CEP128: variants seen among roughly 807,000 people sequenced by gnomAD.
CEP128 encodes centrosomal protein 128.
Under a neutral mutation model 156.7 loss-of-function variants are expected in CEP128, and 132 were observed. The observed-to-expected ratio is 0.84, with a 90% CI of 0.73 to 0.97. The LOEUF (loss-of-function observed/expected upper bound fraction) is 0.97. Among genes scored for constraint, CEP128 ranks in the 50% least tolerant of loss-of-function variants. The probability of loss-of-function intolerance (pLI) is 0.00; values close to 1 mark genes in which losing one functional copy is unlikely to be tolerated. For missense variants in CEP128, 1,252 were observed against 1,281.9 expected, an observed-to-expected ratio of 0.98 and a Z score of 0.36; for synonymous variants, 469 against 448.9, an observed-to-expected ratio of 1.04 and a Z score of -0.57.
intron 17 of CEP128, among the ~76,000 whole-genome samples, chr14:80,760,694 A>G (rs1197125151): frequency 6.6e-6 from 1 of 152,142 alleles, no homozygotes; most frequent in Non-Finnish European, 1.5e-5. Flanking sequence ...GTAAAATAGC[A>G]GCAAAACCTA....
intron 19 of CEP128, among the ~76,000 whole-genome samples, chr14:80,724,998 CAT>C (rs376126480): frequency 0.022 from 3,233 of 143,742 alleles, 57 homozygotes; most frequent in African/African-American, 0.04. Flanking sequence ...ATACATATAT[CAT>C]ATATATATAT....
chr14:80,823,130 C>T (rs2140006683), intron 13 of CEP128, among the ~76,000 whole-genome samples: 1 of 152,268 alleles, frequency 6.6e-6, no homozygotes, highest in African/African-American at 2.4e-5. Flanking sequence ...ATTTCTATGT[C>T]CTCTTCTCCC....
At chr14:80,670,427 C>T (rs1895792333) in intron 19 of CEP128, among the ~76,000 whole-genome samples, 1 of 152,134 alleles carries the variant, frequency 6.6e-6, no homozygotes, top group Non-Finnish European at 1.5e-5. Flanking sequence ...TATATACATA[C>T]ACACAGGAAT....
At chr14:80,524,655 G>T (rs1040463477) in intron 23 of CEP128, among the ~76,000 whole-genome samples, 2 of 152,072 alleles carry the variant, frequency 1.3e-5, no homozygotes, top group African/African-American at 4.8e-5. Flanking sequence ...CCTCACCAAT[G>T]ACTACCAAAA....
chr14:80,809,460 A>G (rs1418543291), intron 13 of CEP128, among the ~76,000 whole-genome samples: 1 of 152,222 alleles, frequency 6.6e-6, no homozygotes, highest in Non-Finnish European at 1.5e-5. Flanking sequence ...AATAATAGAT[A>G]AAAACTTCTC....
chr14:80,697,553 G>A (rs1202144188), intron 19 of CEP128, among the ~76,000 whole-genome samples: 21 of 151,916 alleles, frequency 1.4e-4, no homozygotes, highest in Admixed American at 1.4e-3. Context: ...AAAATAAGAA[G>A]GCATAGCAAT....
downstream of CEP128, among the ~76,000 whole-genome samples, chr14:80,492,804 T>C (rs528591176): frequency 3.7e-4 from 56 of 152,300 alleles, no homozygotes; most frequent in Non-Finnish European, 6.3e-4. Context: ...TGGCATTTTT[T>C]TAAGCAAGTA....
intron 19 of CEP128, among the ~76,000 whole-genome samples, chr14:80,638,609 C>T (rs947863959): frequency 2.0e-5 from 3 of 152,256 alleles, no homozygotes; most frequent in South Asian, 2.1e-4. Context: ...TTCATACCAC[C>T]TGATTTATTT....
At chr14:80,663,365 G>A in intron 19 of CEP128, among the ~76,000 whole-genome samples, 1 of 152,192 alleles carries the variant, frequency 6.6e-6, no homozygotes, top group East Asian at 1.9e-4. Context: ...CAGGCAATAT[G>A]ATCCACCTCC....
At chr14:80,880,904 TA>T (rs1566689660) in intron 8 of CEP128, among the ~76,000 whole-genome samples, 2,148 of 107,424 alleles carry the variant, frequency 0.02, 29 homozygotes, top group Non-Finnish European at 0.029. Context: ...ATAATAATAA[TA>T]ATAATTTCAG....
chr14:80,855,055 C>A (rs1887077212), intron 9 of CEP128, among the ~76,000 whole-genome samples: 1 of 152,146 alleles, frequency 6.6e-6, no homozygotes, highest in Non-Finnish European at 1.5e-5. Flanking sequence ...TCAAAATAAG[C>A]CCCGATTTAT....
At chr14:80,722,236 T>C (rs940781540) in intron 19 of CEP128, among the ~76,000 whole-genome samples, 12 of 152,156 alleles carry the variant, frequency 7.9e-5, no homozygotes, top group African/African-American at 1.7e-4. Context: ...AAATTATTCA[T>C]AGTGTCACTA....
chr14:80,589,384 A>G (rs577852488), intron 19 of CEP128, among the ~76,000 whole-genome samples: 46 of 152,262 alleles, frequency 3.0e-4, no homozygotes, highest in African/African-American at 1.1e-3. Context: ...TTAAGGGTTC[A>G]TAACATCTAC....
intron 24 of CEP128, among the ~76,000 whole-genome samples, chr14:80,500,958 T>A (rs1887704572): frequency 6.6e-6 from 1 of 152,224 alleles, no homozygotes; most frequent in Admixed American, 6.5e-5. Flanking sequence ...ATTTTATTTC[T>A]TTTTATTTGC....
chr14:80,798,651 T>TC (rs1280567449), intron 13 of CEP128, among the ~76,000 whole-genome samples: 2 of 152,228 alleles, frequency 1.3e-5, no homozygotes, highest in African/African-American at 4.8e-5. Flanking sequence ...AAACTTTATT[T>TC]CAGCGTAGAA....
intron 8 of CEP128, among the ~76,000 whole-genome samples, chr14:80,873,777 G>A (rs375919280): frequency 5.9e-4 from 90 of 152,146 alleles, no homozygotes; most frequent in African/African-American, 2.0e-3. Context: ...GAATTATGGG[G>A]GCGGGTCTTT....
chr14:80,766,221 G>A (rs552355478), intron 16 of CEP128, among the ~76,000 whole-genome samples: 29 of 152,236 alleles, frequency 1.9e-4, no homozygotes, highest in Admixed American at 1.6e-3. Context: ...TAGTTCCATC[G>A]TCAAGACAGG....
intron 19 of CEP128, among the ~76,000 whole-genome samples, chr14:80,587,114 T>G (rs1440226586): frequency 6.6e-6 from 1 of 152,114 alleles, no homozygotes; most frequent in African/African-American, 2.4e-5. Context: ...CAAACAGTTG[T>G]AATTTAAAAC....
At chr14:80,792,308 A>T (rs1901749612) in intron 14 of CEP128, among the ~76,000 whole-genome samples, 1 of 152,248 alleles carries the variant, frequency 6.6e-6, no homozygotes, top group Non-Finnish European at 1.5e-5. Context: ...TGCTGCCAGT[A>T]AATGGCCCTA....
Sources: gnomAD v4.1 joint callset for allele counts (sites outside exome capture counted in the v4.1 genomes callset) on GRCh38, gnomAD v4.1.1 for gene constraint, MANE v1.5 for transcripts, NCBI Gene and HGNC (gene_info 2026-07-23, HGNC 2026-07-21) for gene names.